The following RAD17 variants were observed in gnomAD, a reference collection of about 807,000 sequenced individuals.
The protein encoded by RAD17 is cell cycle checkpoint protein RAD17.
A neutral mutation model predicts 81.5 loss-of-function variants in RAD17; 31 were observed. The observed-to-expected ratio is 0.38, with a 90% CI of 0.29 to 0.51. The LOEUF is 0.51. Among genes scored for constraint, RAD17 ranks in the 20% least tolerant of loss-of-function variants. The pLI, the probability that RAD17 is intolerant of heterozygous loss-of-function variation, is 0.88. For synonymous variants in RAD17, 261 were observed against 266.2 expected, an observed-to-expected ratio of 0.98 and a Z score of 0.19; for missense variants, 681 against 781.2, an observed-to-expected ratio of 0.87 and a Z score of 1.53.
chr5:69,383,968 C>T (rs1463109555), intron 7 of RAD17: 1 of 152,066 alleles, frequency 6.6e-6, no homozygotes, highest in East Asian at 2.0e-4. Context: ...CTTTATCACT[C>T]CAGCCTGACC....
At chr5:69,411,278 G>A (rs1042352178) in intron 18 of RAD17, among the ~76,000 whole-genome samples, 2 of 151,838 alleles carry the variant, frequency 1.3e-5, no homozygotes, top group African/African-American at 4.8e-5. Flanking sequence ...GGGTGTGGTG[G>A]CACATGCCTG....
At chr5:69,395,878 TATTAC>T (rs1418767888) in intron 15 of RAD17, among the ~76,000 whole-genome samples, 1 of 152,236 alleles carries the variant, frequency 6.6e-6, no homozygotes, top group African/African-American at 2.4e-5. Context: ...GACATTGTTC[TATTAC>T]AACTACCATA....
intron 16 of RAD17, among the ~76,000 whole-genome samples, chr5:69,397,410 G>A (rs1764961220): frequency 6.6e-6 from 1 of 152,188 alleles, no homozygotes; most frequent in Admixed American, 6.5e-5. Flanking sequence ...TCAAAGTGCT[G>A]GGATTACAGG....
intron 17 of RAD17, among the ~76,000 whole-genome samples, chr5:69,402,641 TGAGACTCTGTCTCAAAA>T (rs909827626): frequency 7.1e-6 from 1 of 141,050 alleles, no homozygotes; most frequent in Admixed American, 7.4e-5. Flanking sequence ...GGAGACAGAG[TGAGACTCTGTCTCAAAA>T]AAAAAAAAAA....
intron 17 of RAD17, 91 bp downstream of exon 17, chr5:69,400,260 C>CA (rs1169427832): frequency 1.1e-6 from 1 of 908,398 alleles, no homozygotes; most frequent in African/African-American, 1.8e-5. Context: ...CTCTACTGTC[C>CA]AGGCTGGATT....
chr5:69,397,353 G>A (rs767155843), intron 16 of RAD17, among the ~76,000 whole-genome samples: 2 of 151,624 alleles, frequency 1.3e-5, no homozygotes, highest in Admixed American at 6.6e-5. Context: ...TGTTGGCCAG[G>A]CTGTTCTTGA....
intron 17 of RAD17, among the ~76,000 whole-genome samples, chr5:69,401,023 A>G (rs10060524): frequency 0.43 from 65,477 of 151,608 alleles, 14,773 homozygotes; most frequent in Admixed American, 0.5. Flanking sequence ...TGGGAGGCCA[A>G]GGCTGGGAAA....
intron 17 of RAD17, among the ~76,000 whole-genome samples, chr5:69,408,506 C>CTTTTTTTTTT (rs913594965): frequency 5.0e-4 from 44 of 88,450 alleles, no homozygotes; most frequent in African/African-American, 1.9e-3. Context: ...ACCCTAATTA[C>CTTTTTTTTTT]TTTTTTTTTT....
At chr5:69,369,419 C>G, upstream of RAD17, 1 of 1,602,686 alleles carries the variant, frequency 6.2e-7, no homozygotes, top group Non-Finnish European at 8.5e-7. Flanking sequence ...ACTCTGCGCC[C>G]CCAGCCTGCC....
chr5:69,409,752 ATCCACCTTGTTCTGCAACCAGTT>A (rs1195853671), intron 17 of RAD17, among the ~76,000 whole-genome samples: 1 of 152,190 alleles, frequency 6.6e-6, no homozygotes, highest in East Asian at 1.9e-4. Flanking sequence ...TGTTAAGTAT[ATCCACCTTGTTCTGCAACCAGTT>A]TCCGAAACTT....
At chr5:69,397,317 T>C (rs1284461012) in intron 16 of RAD17, among the ~76,000 whole-genome samples, 1 of 152,042 alleles carries the variant, frequency 6.6e-6, no homozygotes, top group African/African-American at 2.4e-5. Flanking sequence ...AATTTTTGTA[T>C]TTTTAGTAGA....
Position 69,389,090 on chromosome 5 carries a change from A to G in RAD17, c.951A>G (p.Gly317=). 1.3e-6 allele frequency: 2 copies of G among 1,579,782 alleles called. No individual in the cohort carries two copies. The highest frequency in any genetic ancestry group is 2.3e-5 in the East Asian group (1 of 43,036). ...CTTCTCTAGAGTTGCTCTGTCAGGG[A>G]TGTTCTGGTGATATCAGAAGTGCAA... ...DKTSLELLCQ[G]CSGDIRSAIN... Residue 317 remains glycine, a synonymous_variant, in exon 12 of 19, where the codon GGA becomes GGG. Transcript: ENST00000354868.
In RAD17 at chr5:69,387,853, G is replaced by A. The variant is rs542716008; in HGVS notation, c.895-1181G>A. Among the ~76,000 whole-genome samples the A allele has an allele frequency of 2.6e-5, 4 of 151,970 alleles. No individual in the cohort carries two copies. The East Asian group carries it at 7.7e-4, about 29-fold the overall frequency. On this transcript the variant is annotated intron_variant, in intron 11 of 18. Coordinates refer to ENST00000354868, the MANE Select transcript of RAD17 (RefSeq NM_133338.3). ...GCCTGGGCAGCAAGAGCAAAACTCT[G>A]TATCCCAAAAAAAAGAAAAAAAATT...
At chr5:69,396,894 A>G (rs1003314869) in intron 16 of RAD17, among the ~76,000 whole-genome samples, 18 of 152,254 alleles carry the variant, frequency 1.2e-4, no homozygotes, top group Non-Finnish European at 1.8e-4. Flanking sequence ...ATGCAATGGC[A>G]TGATCTCGGC....
chr5:69,399,652 G>T (rs1464801943), intron 16 of RAD17, among the ~76,000 whole-genome samples: 1 of 150,968 alleles, frequency 6.6e-6, no homozygotes, highest in African/African-American at 2.4e-5. Context: ...CTTCTTGAAG[G>T]CAGGGATTGT....
At position 69,392,103 on chromosome 5, in the gene RAD17, T is replaced by G. The variant is rs1764590851; in HGVS notation, c.1189+90T>G. 4 of 1,184,088 alleles carry G rather than the reference T, an allele frequency of 3.4e-6. No homozygotes were observed. In the South Asian group the frequency reaches 5.4e-5, roughly 16 times the overall value. 73.3% of individuals were successfully genotyped at this position (1,184,088 alleles called of 1,614,324 possible). ...GTCACTTTTAAAAAAATGTCATGTATTTTGGTTCTGCTCTAAGAGTTAGAG... is the reference window on the plus strand; with the variant it reads ...GTCACTTTTAAAAAAATGTCATGTAGTTTGGTTCTGCTCTAAGAGTTAGAG... On this transcript the variant is annotated intron_variant, in intron 13 of 18. Transcript: ENST00000354868.
chr5:69,389,456 T>C (rs1285190706), intron 12 of RAD17, among the ~76,000 whole-genome samples: 1 of 152,192 alleles, frequency 6.6e-6, no homozygotes, highest in Admixed American at 6.5e-5. Context: ...GTGACTCTTA[T>C]CTTTCTGTGC....
At chr5:69,410,625 C>T (rs1765914453) in intron 18 of RAD17, 75 bp downstream of exon 18, 2 of 1,313,496 alleles carry the variant, frequency 1.5e-6, no homozygotes, top group South Asian at 1.2e-5. Context: ...GAATCAATAA[C>T]TGTTACCTGT....
chr5:69,373,831 T>TTTTTTTTTG lies in RAD17; in HGVS notation c.11_12insTTTTTTTTG (p.Val4_Thr5insPhePheTer). ...TTACATGATTTCTTTTTTTTTCAGG[T>TTTTTTTTTG]AACAGACTGGGTTGACCCATCATTT... On this transcript the variant is annotated stop_gained and inframe_insertion and splice_region_variant, in exon 5 of 19. Transcript: ENST00000354868. LOFTEE classifies it high-confidence loss of function. 6.3e-7 allele frequency: 1 copy of TTTTTTTTTG among 1,597,698 alleles called. No individual in the cohort carries two copies. The highest frequency in any genetic ancestry group is 8.5e-7 in the Non-Finnish European group (1 of 1,173,980).
Sources: gnomAD v4.1 joint callset for allele counts (sites outside exome capture counted in the v4.1 genomes callset) on GRCh38, gnomAD v4.1.1 for gene constraint, MANE v1.5 for transcripts, NCBI Gene and HGNC (gene_info 2026-07-23, HGNC 2026-07-21) for gene names.